The following ANKRD42 variants were observed in gnomAD, a reference collection of about 807,000 sequenced individuals.
The protein encoded by ANKRD42 is ankyrin repeat domain 42.
In ANKRD42, 43 loss-of-function variants were observed where a neutral mutation model predicts 51.5. The ratio of observed to expected loss-of-function variants is 0.83; its 90% CI spans 0.65 to 1.08. ANKRD42 has a LOEUF of 1.08. Among genes scored for constraint, ANKRD42 ranks in the 50% least tolerant of loss-of-function variants. The probability of loss-of-function intolerance (pLI) is 0.00; values close to 1 mark genes in which losing one functional copy is unlikely to be tolerated. For synonymous variants in ANKRD42, 203 were observed against 213.0 expected, an observed-to-expected ratio of 0.95 and a Z score of 0.41; for missense variants, 608 against 629.3, an observed-to-expected ratio of 0.97 and a Z score of 0.36.
At chr11:83,213,591 C>A in intron 5 of ANKRD42, 1 of 1,117,824 alleles carries the variant, frequency 8.9e-7, no homozygotes, top group Non-Finnish European at 1.1e-6. Flanking sequence ...ATGGATGTAT[C>A]TCATTGCAGT....
chr11:83,260,841 C>T (rs969809027), downstream of ANKRD42: 4 of 151,838 alleles, frequency 2.6e-5, no homozygotes, highest in Admixed American at 1.3e-4. Flanking sequence ...AAACAAAATA[C>T]GAATTTAAAT....
At chr11:83,216,470 G>T (rs111695761) in intron 5 of ANKRD42, among the ~76,000 whole-genome samples, 2 of 151,948 alleles carry the variant, frequency 1.3e-5, no homozygotes, top group African/African-American at 4.8e-5. Context: ...GACTACAGGC[G>T]CCCGCCACCT....
intron 2 of ANKRD42, among the ~76,000 whole-genome samples, chr11:83,205,411 C>T (rs1862032523): frequency 6.6e-6 from 1 of 152,058 alleles, no homozygotes; most frequent in Non-Finnish European, 1.5e-5. Context: ...GACAGTGTAT[C>T]CCAATGATAT....
chr11:83,246,040 G>A (rs1863532167), intron 10 of ANKRD42, among the ~76,000 whole-genome samples: 1 of 152,200 alleles, frequency 6.6e-6, no homozygotes, highest in African/African-American at 2.4e-5. Context: ...GAGGCAGTGA[G>A]CAAGTGCATG....
chr11:83,211,110 C>T, intron 4 of ANKRD42, 185 bp from the exon 5 acceptor site: 2 of 729,524 alleles, frequency 2.7e-6, no homozygotes, highest in South Asian at 1.9e-5. Context: ...TTTGAAAAGC[C>T]TGTTTTATAA....
rs1861760733 is a variant in ANKRD42, at chr11:83,198,836, T to C, written c.222+194T>C. 2.0e-5 allele frequency among the ~76,000 whole-genome samples: 3 copies of C among 152,240 alleles called. No homozygotes were observed. The South Asian group carries it at 6.2e-4, about 31-fold the overall frequency. On this transcript the variant is annotated intron_variant, in intron 2 of 10. Transcript: ENST00000533342. ...TATCCTAAAATTTAGCATAATAAAC[T>C]AATGATTTATTTATACTCATGAACA...
chr11:83,214,938 A>C (rs1230343729), intron 5 of ANKRD42: 1 of 152,206 alleles, frequency 6.6e-6, no homozygotes. Context: ...TCTTCATGAG[A>C]CCAGCGTATT....
At chr11:83,203,930 TTCTCTTC>T (rs1385040431) in intron 2 of ANKRD42, among the ~76,000 whole-genome samples, 3 of 152,226 alleles carry the variant, frequency 2.0e-5, no homozygotes, top group South Asian at 4.2e-4. Flanking sequence ...TCTGGTTCGG[TTCTCTTC>T]TCTCTTCTCT....
chr11:83,213,803 CA>C (rs1862421333), intron 5 of ANKRD42: 1 of 153,800 alleles, frequency 6.5e-6, no homozygotes, highest in Non-Finnish European at 1.4e-5. Flanking sequence ...CGTTTATTAC[CA>C]ATATCTTTTC....
At chr11:83,263,873 C>T (rs538875205), downstream of ANKRD42, among the ~76,000 whole-genome samples, 2 of 152,288 alleles carry the variant, frequency 1.3e-5, no homozygotes, top group Admixed American at 6.5e-5. Context: ...GCCCCATCCA[C>T]GGTTCAGCTG....
chr11:83,262,528 A>T (rs1051346577), downstream of ANKRD42, among the ~76,000 whole-genome samples: 4 of 151,316 alleles, frequency 2.6e-5, no homozygotes, highest in Middle Eastern at 3.2e-3. Flanking sequence ...CATTTTGGAT[A>T]AAAAAAAATT....
chr11:83,223,024 G>A (rs1158272895), intron 5 of ANKRD42, among the ~76,000 whole-genome samples: 4 of 152,176 alleles, frequency 2.6e-5, no homozygotes, highest in African/African-American at 7.2e-5. Context: ...CCAAGGGCGG[G>A]TGCATTGCTT....
chr11:83,255,223 A>G (rs930753271), intron 11 of ANKRD42, among the ~76,000 whole-genome samples: 1 of 152,254 alleles, frequency 6.6e-6, no homozygotes, highest in African/African-American at 2.4e-5. Context: ...ATTAATATCT[A>G]GTGACCATCC....
chr11:83,229,824 G>A (rs574839085), intron 7 of ANKRD42, among the ~76,000 whole-genome samples: 2 of 152,170 alleles, frequency 1.3e-5, no homozygotes, highest in South Asian at 4.2e-4. Context: ...AAAGAGCATT[G>A]TTGGGGGACA....
At chr11:83,247,204 G>A (rs757827829) in intron 10 of ANKRD42, among the ~76,000 whole-genome samples, 1 of 151,732 alleles carries the variant, frequency 6.6e-6, no homozygotes, top group Non-Finnish European at 1.5e-5. Context: ...GTACCTCATG[G>A]TGGAAAAATT....
chr11:83,242,567 G>GTTTTTTTTTTGTTTTTTTTTTTTT (rs770772334), intron 9 of ANKRD42, among the ~76,000 whole-genome samples: 2 of 115,546 alleles, frequency 1.7e-5, no homozygotes, highest in African/African-American at 3.5e-5. Context: ...TGGTAGTTAA[G>GTTTTTTTTTTGTTTTTTTTTTTTT]TTTTTTTTTT....
intron 5 of ANKRD42, among the ~76,000 whole-genome samples, chr11:83,216,576 G>A (rs578049181): frequency 3.3e-5 from 5 of 151,820 alleles, no homozygotes; most frequent in African/African-American, 4.8e-5. Flanking sequence ...CGCCCGCCTC[G>A]GCCTCCCAAA....
chr11:83,212,609 C>G, intron 5 of ANKRD42: 3 of 1,422,258 alleles, frequency 2.1e-6, no homozygotes, highest in African/African-American at 1.4e-5. Context: ...AGGGGAAGGG[C>G]AGAATAATAT....
chr11:83,227,393 G>C (rs1008709752), intron 6 of ANKRD42, among the ~76,000 whole-genome samples: 1 of 152,150 alleles, frequency 6.6e-6, no homozygotes, highest in Non-Finnish European at 1.5e-5. Flanking sequence ...GATTACAGGC[G>C]TGAGCCACCA....
Sources: gnomAD v4.1 joint callset for allele counts (sites outside exome capture counted in the v4.1 genomes callset) on GRCh38, gnomAD v4.1.1 for gene constraint, MANE v1.5 for transcripts, NCBI Gene and HGNC (gene_info 2026-07-23, HGNC 2026-07-21) for gene names.